Variants in TMEM230 observed in about 807,000 individuals in gnomAD.
TMEM230 encodes transmembrane protein 230, also known as UPF0414 transmembrane protein C20orf30.
In TMEM230, 10 loss-of-function variants were observed where a neutral mutation model predicts 15.8. That is an observed-to-expected ratio of 0.63 (90% CI 0.39 to 1.07). TMEM230 has a LOEUF of 1.07. Among genes scored for constraint, TMEM230 ranks in the 50% least tolerant of loss-of-function variants. The pLI is 0.01. For missense variants in TMEM230, 165 were observed against 193.3 expected (o/e 0.85, Z 0.87); for synonymous variants, 67 against 76.9 (o/e 0.87, Z 0.68).
At chr20:5,093,531 G>A (rs2089572398) in intron 3 of TMEM230, among the ~76,000 whole-genome samples, 1 of 150,192 alleles carries the variant, frequency 6.7e-6, no homozygotes, top group African/African-American at 2.5e-5. Context: ...ATGAGCCACT[G>A]CGCCTGATTT....
At chr20:5,102,276 A>G (rs1323102215) in intron 4 of TMEM230, among the ~76,000 whole-genome samples, 1 of 152,226 alleles carries the variant, frequency 6.6e-6, no homozygotes, top group Non-Finnish European at 1.5e-5. Flanking sequence ...AGATTGAACA[A>G]TGAAAAAAAT....
intron 3 of TMEM230, among the ~76,000 whole-genome samples, chr20:5,074,805 T>TAGA (rs2088936292): frequency 6.6e-6 from 1 of 152,138 alleles, no homozygotes; most frequent in African/African-American, 2.4e-5. Flanking sequence ...AAACATTTTA[T>TAGA]TGCCTTTTAA....
At chr20:5,071,875 G>C (rs192824093) in intron 3 of TMEM230, among the ~76,000 whole-genome samples, 1 of 151,868 alleles carries the variant, frequency 6.6e-6, no homozygotes, top group East Asian at 1.9e-4. Context: ...AAGTAGCTGC[G>C]ATTACAGGTG....
At chr20:5,062,072 A>G in the TMEM230 span, among the ~76,000 whole-genome samples, 1 of 152,034 alleles carries the variant, frequency 6.6e-6, no homozygotes, top group Admixed American at 6.6e-5. Context: ...ATACAAAAAA[A>G]TTAGCCAGGC....
intron 3 of TMEM230, among the ~76,000 whole-genome samples, chr20:5,071,707 G>A (rs1327349505): frequency 1.3e-5 from 2 of 151,584 alleles, no homozygotes; most frequent in African/African-American, 4.8e-5. Flanking sequence ...ACATTAATAT[G>A]TGCATTTAGA....
At chr20:5,094,431 A>T (rs1369252121) in intron 3 of TMEM230, among the ~76,000 whole-genome samples, 1 of 151,396 alleles carries the variant, frequency 6.6e-6, no homozygotes, top group Non-Finnish European at 1.5e-5. Context: ...ATTTTTGGCC[A>T]GGCATGGTGG....
Position 5,088,804 on chromosome 20 carries a change from A to T in TMEM230, c.222+17384T>A, listed in dbSNP as rs1013611863. ...GCTGATATTACAGGCGTGAGCCACC[A>T]TGCCCAACCCAGAACCAGGTTTAAT... On this transcript the variant is annotated intron_variant, in intron 3 of 3. Coordinates refer to the TMEM230 transcript ENST00000612323. Among the ~76,000 whole-genome samples, 4 of 152,170 alleles carry T rather than the reference A, an allele frequency of 2.6e-5. No homozygotes were observed. In the East Asian group the frequency reaches 7.7e-4, roughly 29 times the overall value.
At chr20:5,059,258 C>A in the TMEM230 span, among the ~76,000 whole-genome samples, 2 of 151,596 alleles carry the variant, frequency 1.3e-5, no homozygotes, top group African/African-American at 4.9e-5. Context: ...CACCTCCCAG[C>A]CTCTGTCATT....
intron 4 of TMEM230, among the ~76,000 whole-genome samples, chr20:5,103,623 T>C (rs1009479035): frequency 6.9e-6 from 1 of 145,914 alleles, no homozygotes; most frequent in Non-Finnish European, 1.5e-5. Context: ...ACAGTGAGAT[T>C]CTGTCTCAAA....
intron 3 of TMEM230, among the ~76,000 whole-genome samples, chr20:5,093,659 C>A (rs2089578545): frequency 6.6e-6 from 1 of 151,928 alleles, no homozygotes; most frequent in Admixed American, 6.6e-5. Flanking sequence ...GCCTCAGCCA[C>A]CCGACTAGCT....
At chr20:5,060,019 G>T in the TMEM230 span, among the ~76,000 whole-genome samples, 2 of 152,022 alleles carry the variant, frequency 1.3e-5, no homozygotes, top group African/African-American at 4.8e-5. Context: ...TAATCCACCC[G>T]CCTTGGCCTC....
At chr20:5,064,581 T>C (rs1182838438), downstream of TMEM230, among the ~76,000 whole-genome samples, 1 of 151,290 alleles carries the variant, frequency 6.6e-6, no homozygotes, top group Non-Finnish European at 1.5e-5. Context: ...CGTCTCAAAA[T>C]AAAAAAAGAC....
intron 1 of TMEM230, chr20:5,111,728 A>G: frequency 1.1e-6 from 1 of 951,788 alleles, no homozygotes; most frequent in Non-Finnish European, 1.3e-6. Flanking sequence ...AAAATTCATC[A>G]TTATCATCAT....
In TMEM230 at chr20:5,112,901, G is replaced by A. The variant is rs1444354889; in HGVS notation, c.68+60C>T. 3.2e-6 allele frequency: 5 copies of A among 1,548,344 alleles called. No homozygotes were observed. The African/African-American group carries it at 5.5e-5, about 17-fold the overall frequency. ...TGATTTCGGCGGGGAGCGCGGTCTC[G>A]GACACGCCCAGAGCCCGAGAGGACG... On this transcript the variant is annotated intron_variant, in intron 1 of 4. Coordinates refer to ENST00000342308, the MANE Select transcript of TMEM230 (RefSeq NM_001009923.2).
At chr20:5,089,890 G>A (rs1209412001) in intron 3 of TMEM230, among the ~76,000 whole-genome samples, 1 of 149,408 alleles carries the variant, frequency 6.7e-6, no homozygotes, top group Non-Finnish European at 1.5e-5. Context: ...ATGGTGGCAC[G>A]TGCCTGTAAT....
At chr20:5,112,760 C>T in intron 1 of TMEM230, 7 of 1,467,876 alleles carry the variant, frequency 4.8e-6, no homozygotes, top group Non-Finnish European at 6.3e-6. Context: ...CAGACCTTGC[C>T]AGGGAGAGAA....
chr20:5,073,498 C>A (rs994486732), intron 3 of TMEM230, among the ~76,000 whole-genome samples: 1 of 152,208 alleles, frequency 6.6e-6, no homozygotes, highest in Non-Finnish European at 1.5e-5. Context: ...AGGGCAGGAC[C>A]AGAGCCAGGG....
intron 3 of TMEM230, among the ~76,000 whole-genome samples, chr20:5,069,948 G>C (rs2088768588): frequency 6.6e-6 from 1 of 152,158 alleles, no homozygotes; most frequent in South Asian, 2.1e-4. Flanking sequence ...GGCCTCAAGT[G>C]ATCTGCCTGC....
At chr20:5,112,616 T>C (rs532394963) in intron 1 of TMEM230, 163 of 1,141,920 alleles carry the variant, frequency 1.4e-4, no homozygotes, top group Middle Eastern at 1.4e-3. Context: ...CAACAGGCTT[T>C]TTACCAGCTC....
Sources: allele counts gnomAD v4.1 joint callset (sites outside exome capture counted in the v4.1 genomes callset), GRCh38; gene constraint gnomAD v4.1.1; transcripts MANE v1.5; gene names NCBI Gene and HGNC (gene_info 2026-07-23, HGNC 2026-07-21).